The following ENPEP variants were observed in gnomAD, a reference collection of about 807,000 sequenced individuals.
The protein encoded by ENPEP is AP-A.
A neutral mutation model predicts 114.5 loss-of-function variants in ENPEP; 103 were observed. That is an observed-to-expected ratio of 0.90 (90% CI 0.77 to 1.06). ENPEP has a LOEUF of 1.06. ENPEP is among the 50% of genes least tolerant of loss of function. The pLI, the probability that ENPEP is intolerant of heterozygous loss-of-function variation, is 0.00. For missense variants in ENPEP, 1,196 were observed against 1,161.3 expected, an observed-to-expected ratio of 1.03 and a Z score of -0.43; for synonymous variants, 420 against 422.0, an observed-to-expected ratio of 1.00 and a Z score of 0.06.
Position 110,476,573 on chromosome 4 carries a change from T to C in ENPEP, c.159T>C (p.Thr53=). Residue 53 remains threonine (T), a synonymous_variant, in exon 1 of 20, where the codon ACT becomes ACC. Transcript: ENST00000265162. ...CCAGCGGGGACGGCGGGCCGGGCACTGCGCCAGCTCCTTCCCACCTGCCTT... is the reference window on the plus strand; with the variant it reads ...CCAGCGGGGACGGCGGGCCGGGCACCGCGCCAGCTCCTTCCCACCTGCCTT... The part of the protein sequence containing the change: ...CDSSGDGGPG[T]APAPSHLPSS... 1 of 1,613,646 alleles carries C rather than the reference T, an allele frequency of 6.2e-7. No homozygotes were observed. The highest frequency in any genetic ancestry group is 8.5e-7 in the Non-Finnish European group (1 of 1,179,646).
chr4:110,484,561 C>T (rs1724430744), intron 1 of ENPEP, among the ~76,000 whole-genome samples: 1 of 151,868 alleles, frequency 6.6e-6, no homozygotes, highest in African/African-American at 2.4e-5. Flanking sequence ...GCCAAACACA[C>T]CGCACAGAGA....
chr4:110,499,136 T>C (rs1013204789), intron 3 of ENPEP, among the ~76,000 whole-genome samples: 2 of 152,190 alleles, frequency 1.3e-5, no homozygotes, highest in Non-Finnish European at 1.5e-5. Context: ...GTGGACACCA[T>C]AGTGTAAGTA....
intron 18 of ENPEP, among the ~76,000 whole-genome samples, chr4:110,558,034 T>C (rs931023229): frequency 1.7e-5 from 2 of 119,632 alleles, no homozygotes; most frequent in Non-Finnish European, 3.7e-5. Context: ...ATGGTAGGAT[T>C]TTTTTTTTTT....
At chr4:110,490,625 T>C (rs1724671696) in intron 2 of ENPEP, among the ~76,000 whole-genome samples, 1 of 152,192 alleles carries the variant, frequency 6.6e-6, no homozygotes, top group African/African-American at 2.4e-5. Flanking sequence ...GAAGCCAATG[T>C]TCCGCTACAC....
At chr4:110,477,255 A>G (rs1578386972) in intron 1 of ENPEP, among the ~76,000 whole-genome samples, 197 bp downstream of exon 1, 1 of 152,190 alleles carries the variant, frequency 6.6e-6, no homozygotes, top group Non-Finnish European at 1.5e-5. Flanking sequence ...ATAAAACTTG[A>G]AAGTAGTGAA....
intron 3 of ENPEP, among the ~76,000 whole-genome samples, chr4:110,505,359 G>A (rs1725335224): frequency 6.6e-6 from 1 of 151,884 alleles, no homozygotes; most frequent in African/African-American, 2.4e-5. Context: ...AGTGAGTTGT[G>A]CCGTCTTCGG....
rs181729521 is a variant in ENPEP, at chr4:110,519,140, A to G, written c.1510-868A>G. The G allele has an allele frequency of 1.5e-3, 663 of 455,604 alleles. 4 individuals carry two copies. The highest frequency in any genetic ancestry group is 0.011 in the African/African-American group (541 of 50,194). 28.2% of individuals were successfully genotyped at this position (455,604 alleles called of 1,614,324 possible). On this transcript the variant is annotated intron_variant, in intron 8 of 19. Transcript: ENST00000265162. ...AACAAATATGGAGGCAGCATTCCAA[A>G]GTGGCTTCATCCCTCTTCCAGGCTT... is the stretch of plus-strand genomic sequence containing the variant.
At chr4:110,483,376 G>T (rs988167251) in intron 1 of ENPEP, among the ~76,000 whole-genome samples, 24 of 152,056 alleles carry the variant, frequency 1.6e-4, no homozygotes, top group Admixed American at 9.2e-4. Context: ...TATTTTGCTG[G>T]TTCAACTTAT....
chr4:110,554,103 A>G (rs1393970917), intron 18 of ENPEP, among the ~76,000 whole-genome samples: 4 of 152,026 alleles, frequency 2.6e-5, no homozygotes, highest in Admixed American at 6.6e-5. Flanking sequence ...CACAATTTCC[A>G]TCCAAAAGGC....
intron 18 of ENPEP, among the ~76,000 whole-genome samples, chr4:110,554,651 T>C (rs1474129364): frequency 6.6e-6 from 1 of 152,054 alleles, no homozygotes; most frequent in African/African-American, 2.4e-5. Context: ...GAATATGTTA[T>C]TATCTAGATG....
chr4:110,492,416 A>G (rs2110339509), intron 3 of ENPEP, among the ~76,000 whole-genome samples: 1 of 152,268 alleles, frequency 6.6e-6, no homozygotes, highest in South Asian at 2.1e-4. Flanking sequence ...GGGTTCCTCT[A>G]TTTCTGTGAA....
chr4:110,496,715 T>A (rs1306250272), intron 3 of ENPEP, among the ~76,000 whole-genome samples: 1 of 152,220 alleles, frequency 6.6e-6, no homozygotes, highest in East Asian at 1.9e-4. Flanking sequence ...GTTTCTCAGT[T>A]TGGGTTTGTG....
intron 14 of ENPEP, 125 bp from the exon 15 acceptor site, chr4:110,549,208 TGTTTTTCTAAGGA>T: frequency 1.4e-6 from 1 of 694,268 alleles, no homozygotes; most frequent in South Asian, 2.0e-5. Context: ...TTAAATACAT[TGTTTTTCTAAGGA>T]CAAGCGCAAA....
chr4:110,540,332 G>C (rs1578414449), intron 11 of ENPEP, among the ~76,000 whole-genome samples: 1 of 152,066 alleles, frequency 6.6e-6, no homozygotes, highest in African/African-American at 2.4e-5. Flanking sequence ...CATGTTAACT[G>C]TGGTGGGTAA....
At chr4:110,523,982 A>G (rs1451660870) in intron 10 of ENPEP, among the ~76,000 whole-genome samples, 2 of 152,220 alleles carry the variant, frequency 1.3e-5, no homozygotes, top group Admixed American at 1.3e-4. Flanking sequence ...TCAGGAGAGT[A>G]GTTAAGACTA....
intron 3 of ENPEP, among the ~76,000 whole-genome samples, chr4:110,491,423 G>T (rs1480857076): frequency 6.6e-6 from 1 of 152,002 alleles, no homozygotes; most frequent in Non-Finnish European, 1.5e-5. Context: ...TCAAAAGCTA[G>T]CTCCTAAGTA....
Position 110,506,735 on chromosome 4 carries a change from G to A in ENPEP, c.1017G>A (p.Met339Ile). 1 of 1,589,688 alleles carries A rather than the reference G, an allele frequency of 6.3e-7. No homozygotes were observed. Among genetic ancestry groups the A allele is most frequent in the South Asian group, 1.1e-5 (1 of 88,498 alleles). Residue 339 changes from methionine to isoleucine, a missense_variant, in exon 4 of 20, where the codon ATG (methionine) becomes ATA (isoleucine). Physicochemically the swap from Met to Ile is conservative, Grantham distance 10. Transcript: ENST00000265162. ...VFDYFEEYFA[M>I]NYSLPKLDKI... ...ATTATTTTGAAGAATACTTTGCTAT[G>A]AATTATTCTCTTCCTAAATTAGGTG...
At chr4:110,558,523 G>A (rs894075090) in intron 18 of ENPEP, among the ~76,000 whole-genome samples, 2 of 152,046 alleles carry the variant, frequency 1.3e-5, no homozygotes, top group Admixed American at 6.6e-5. Flanking sequence ...TTGAGCTCCT[G>A]ACCTCAAGCC....
Position 110,509,504 on chromosome 4 carries a change from A to G in ENPEP, c.1040-149A>G. On this transcript the variant is annotated intron_variant, in intron 4 of 19. Transcript: ENST00000265162. ...AAACTTTGAGTGCATTAGGACTGAA[A>G]TGTTCGCACACATGATTACAGTTCT... 3.0e-6 allele frequency: 3 copies of G among 993,756 alleles called. No homozygotes were observed. The South Asian group carries it at 6.2e-5, about 21-fold the overall frequency. The allele number at this position is 993,756 out of a possible 1,614,324, so 61.6% of individuals were successfully genotyped here.
Sources: allele counts gnomAD v4.1 joint callset (sites outside exome capture counted in the v4.1 genomes callset), GRCh38; gene constraint gnomAD v4.1.1; transcripts MANE v1.5; gene names NCBI Gene and HGNC (gene_info 2026-07-23, HGNC 2026-07-21).